Variants in GRSF1 observed in about 807,000 individuals in gnomAD.
GRSF1 encodes G-rich sequence factor 1.
Under a neutral mutation model 51.1 loss-of-function variants are expected in GRSF1, and 50 were observed. The ratio of observed to expected loss-of-function variants is 0.98; its 90% CI spans 0.78 to 1.24. The LOEUF is 1.24. Ranked by LOEUF, GRSF1 falls within the 50% of genes most tolerant of loss-of-function variation. GRSF1 has a pLI of 0.00. For missense variants in GRSF1, 700 were observed against 639.7 expected (o/e 1.09, Z -1.02); for synonymous variants, 293 against 253.3 (o/e 1.16, Z -1.49).
Position 70,827,954 on chromosome 4 carries a change from G to A in GRSF1, c.1033C>T (p.Pro345Ser), listed in dbSNP as rs771536617. ...GGCTCAGTTATATACTTAGCAGTAG[G>A]AAAAGATGCGATTTTCTTTCCCTTA... ...SYKGKKIASF[P>S]TAKYITEPEM... The change falls in exon 6 of 10, where the codon CCT becomes TCT. Residue 345 changes from proline (P) to serine (S), a missense_variant. Pro to Ser is a moderately conservative substitution (Grantham distance 74). Transcript: ENST00000254799. 6.2e-6 allele frequency: 10 copies of A among 1,612,266 alleles called. No individual in the cohort carries two copies. The Admixed American group carries it at 1.3e-4, about 22-fold the overall frequency.
chr4:70,840,560 CA>C (rs1252155901), upstream of GRSF1, among the ~76,000 whole-genome samples: 2 of 152,122 alleles, frequency 1.3e-5, no homozygotes, highest in African/African-American at 2.4e-5. Context: ...GTCAGCAGTT[CA>C]AGACCAGCCT....
chr4:70,820,228 A>T lies in GRSF1; in HGVS notation c.*659T>A, dbSNP rs1733449800. The T allele has an allele frequency of 6.6e-6, 1 of 152,572 alleles. No homozygotes were observed. Among genetic ancestry groups the T allele is most frequent in the African/African-American group, 2.4e-5 (1 of 41,456 alleles). 9.5% of individuals were successfully genotyped at this position (152,572 alleles called of 1,614,324 possible). A position where few individuals can be genotyped will look rare whatever the true frequency, so the allele number is the denominator to read the frequency against. ...TTAAGTAGATAGGCACCACCGTTAT[A>T]CGCCTTTAGCACAAGGCTTAGAAAG... On this transcript the variant is annotated 3_prime_UTR_variant, in exon 10 of 10. Transcript: ENST00000254799.
chr4:70,831,710 CT>C (rs199993413), intron 4 of GRSF1, 36 bp from the exon 5 acceptor site: 3 of 1,560,070 alleles, frequency 1.9e-6, no homozygotes, highest in South Asian at 1.2e-5. Context: ...TACTAGCAGG[CT>C]TTTTTATCCT....
chr4:70,831,316 T>C (rs111993153), intron 5 of GRSF1, among the ~76,000 whole-genome samples: 151 of 151,842 alleles, frequency 9.9e-4, no homozygotes, highest in African/African-American at 3.5e-3. Context: ...GATCGTGCCA[T>C]TGCACTCTAG....
Position 70,839,483 on chromosome 4 carries a change from G to A in GRSF1, c.345C>T (p.Arg115=), listed in dbSNP as rs1009870965. Residue 115 remains arginine, a synonymous_variant, in exon 1 of 10, where the codon CGC becomes CGT. Coordinates refer to ENST00000254799, the MANE Select transcript of GRSF1 (RefSeq NM_002092.4). ...SLAAAAAVPT[R]SYSQESKTTY... ...GGCGCCCACGTACCTGGCTGTAGCT[G>A]CGCGTCGGGACGGCGGCCGCCGCCG... The A allele has an allele frequency of 1.1e-5, 16 of 1,436,554 alleles. No individual in the cohort carries two copies. The highest frequency in any genetic ancestry group is 1.4e-5 in the South Asian group (1 of 72,538). The allele number at this position is 1,436,554 out of a possible 1,614,324, so 89.0% of individuals were successfully genotyped here. A position where few individuals can be genotyped will look rare whatever the true frequency, so the allele number is the denominator to read the frequency against.
intron 4 of GRSF1, 23 bp from the exon 5 acceptor site, chr4:70,831,697 T>C: frequency 6.3e-7 from 1 of 1,594,518 alleles, no homozygotes; most frequent in African/African-American, 1.4e-5. Flanking sequence ...GAGATTTTAA[T>C]GCTACTAGCA....
At chr4:70,839,110 T>C (rs1171526119) in intron 1 of GRSF1, 4 of 1,295,710 alleles carry the variant, frequency 3.1e-6, no homozygotes, top group Admixed American at 2.3e-5. Context: ...GCCTCGCAAC[T>C]TCACAACCAG....
intron 5 of GRSF1, among the ~76,000 whole-genome samples, chr4:70,828,997 C>T (rs186141122): frequency 2.8e-4 from 42 of 152,250 alleles, no homozygotes; most frequent in African/African-American, 8.4e-4. Flanking sequence ...CCTCAGCCTC[C>T]CAAAGTGCTG....
Position 70,839,639 on chromosome 4 carries a change from C to A in GRSF1, c.189G>T (p.Thr63=), listed in dbSNP as rs1397821674. The change falls in exon 1 of 10, where the codon ACG becomes ACT. Residue 63 remains threonine, a synonymous_variant. Coordinates refer to ENST00000254799, the MANE Select transcript of GRSF1 (RefSeq NM_002092.4). The part of the protein sequence containing the change: ...LGAAAAAASQ[T]RGLQTGPVPP... ...GCACAGGCCCGGTCTGGAGGCCACG[C>A]GTCTGGGAGGCAGCGGCCGCGGCGG... 24 of 1,399,382 alleles carry A rather than the reference C, an allele frequency of 1.7e-5. No homozygotes were observed. In the East Asian group the frequency reaches 7.3e-4, roughly 43 times the overall value. The allele number at this position is 1,399,382 out of a possible 1,614,324, so 86.7% of individuals were successfully genotyped here.
chr4:70,839,268 A>G (rs1734357874), intron 1 of GRSF1: 4 of 1,488,028 alleles, frequency 2.7e-6, no homozygotes, highest in Non-Finnish European at 3.6e-6. Context: ...GAACAAAACA[A>G]GCAGAAGACC....
intron 3 of GRSF1, 43 bp downstream of exon 3, chr4:70,833,075 C>A: frequency 6.3e-7 from 1 of 1,575,448 alleles, no homozygotes; most frequent in Non-Finnish European, 8.7e-7. Flanking sequence ...AGTATAAAAC[C>A]TAATGCAATG....
At chr4:70,837,291 G>T (rs1578309954) in intron 1 of GRSF1, among the ~76,000 whole-genome samples, 1 of 151,562 alleles carries the variant, frequency 6.6e-6, no homozygotes, top group African/African-American at 2.4e-5. Flanking sequence ...TGGGCCAGGT[G>T]CGGTGGCTCA....
rs1002796638 is a variant in GRSF1, at chr4:70,820,191, T to C, written c.*696A>G. On this transcript the variant is annotated 3_prime_UTR_variant, in exon 10 of 10. Coordinates refer to ENST00000254799, the MANE Select transcript of GRSF1 (RefSeq NM_002092.4). Reference sequence around the variant, plus strand: ...GTTTAGACAACTTTTAAGTTAAGACTAGAATGCCCCCTTAAGTAGATAGGC... The same window carrying C: ...GTTTAGACAACTTTTAAGTTAAGACCAGAATGCCCCCTTAAGTAGATAGGC... The C allele has an allele frequency of 6.6e-6, 1 of 152,346 alleles. No homozygotes were observed. Among genetic ancestry groups the C allele is most frequent in the Non-Finnish European group, 1.5e-5 (1 of 68,036 alleles). 9.4% of individuals were successfully genotyped at this position (152,346 alleles called of 1,614,324 possible).
Position 70,817,096 on chromosome 4 carries a change from G to A in GRSF1, c.*3791C>T, listed in dbSNP as rs1167892817. ...CTAGAAACTGATAACAGGGCTGTGC[G>A]AGAATAGAAACTAAACAGCTGAATT... On this transcript the variant is annotated 3_prime_UTR_variant, in exon 10 of 10. Coordinates refer to ENST00000254799, the MANE Select transcript of GRSF1 (RefSeq NM_002092.4). The A allele has an allele frequency of 2.0e-5, 3 of 152,206 alleles. No homozygotes were observed. Among genetic ancestry groups the A allele is most frequent in the African/African-American group, 4.8e-5 (2 of 41,454 alleles). 9.4% of individuals were successfully genotyped at this position (152,206 alleles called of 1,614,324 possible). A position where few individuals can be genotyped will look rare whatever the true frequency, so the allele number is the denominator to read the frequency against.
intron 5 of GRSF1, among the ~76,000 whole-genome samples, chr4:70,830,467 C>T (rs1224527691): frequency 6.7e-6 from 1 of 149,534 alleles, no homozygotes; most frequent in African/African-American, 2.5e-5. Context: ...AAAAAACACA[C>T]ACACACACAG....
At chr4:70,825,470 G>A in intron 7 of GRSF1, 39 bp from the exon 8 acceptor site, 1 of 1,556,660 alleles carries the variant, frequency 6.4e-7, no homozygotes, top group Non-Finnish European at 8.8e-7. Flanking sequence ...GAACATGATG[G>A]ATGTAAACCT....
upstream of GRSF1, among the ~76,000 whole-genome samples, chr4:70,841,983 A>G (rs1734469426): frequency 6.6e-6 from 1 of 152,204 alleles, no homozygotes; most frequent in Non-Finnish European, 1.5e-5. Flanking sequence ...CAGAGCAAGA[A>G]CCATGATCCC....
chr4:70,835,930 A>C (rs1387652313), intron 2 of GRSF1, among the ~76,000 whole-genome samples: 1 of 152,176 alleles, frequency 6.6e-6, no homozygotes, highest in Non-Finnish European at 1.5e-5. Context: ...AAAGTCTTTC[A>C]ATTCGTTACA....
chr4:70,826,340 A>T, intron 6 of GRSF1, 95 bp from the exon 7 acceptor site: 8 of 1,059,542 alleles, frequency 7.6e-6, no homozygotes, highest in Non-Finnish European at 1.1e-5. Flanking sequence ...CCAAATCCTC[A>T]ATTCCTCTTA....
Sources: gnomAD v4.1 joint callset for allele counts (sites outside exome capture counted in the v4.1 genomes callset) on GRCh38, gnomAD v4.1.1 for gene constraint, MANE v1.5 for transcripts, NCBI Gene and HGNC (gene_info 2026-07-23, HGNC 2026-07-21) for gene names.